NRG1: variants seen among roughly 807,000 people sequenced by gnomAD.
NRG1 encodes neuregulin 1.
A neutral mutation model predicts 63.8 loss-of-function variants in NRG1; 18 were observed. The ratio of observed to expected loss-of-function variants is 0.28; its 90% CI spans 0.19 to 0.42. The LOEUF is 0.42. NRG1 is among the 10% of genes least tolerant of loss of function. NRG1 has a pLI of 1.00. For synonymous variants in NRG1, 302 were observed against 301.3 expected, an observed-to-expected ratio of 1.00 and a Z score of -0.02; for missense variants, 762 against 814.7, an observed-to-expected ratio of 0.94 and a Z score of 0.79.
chr8:31,665,666 A>G lies in NRG1; in HGVS notation c.37+26235A>G, dbSNP rs139449596. On this transcript the variant is annotated intron_variant, in intron 1 of 10. Coordinates refer to the NRG1 transcript ENST00000519301. ...TCAGTGATTTACGTAGTCAACCTTT[A>G]TGAAAGTTTTCTTTGATTAGTCAAT... is the stretch of plus-strand genomic sequence containing the variant. Among the ~76,000 whole-genome samples, 481 of 152,318 alleles carry G rather than the reference A, an allele frequency of 3.2e-3. 2 individuals are homozygous for G. Among genetic ancestry groups the G allele is most frequent in the South Asian group, 0.021 (102 of 4,828 alleles).
At chr8:32,646,508 C>T (rs1647932885) in intron 5 of NRG1, among the ~76,000 whole-genome samples, 1 of 152,274 alleles carries the variant, frequency 6.6e-6, no homozygotes, top group Non-Finnish European at 1.5e-5. Context: ...TAGCAGACTT[C>T]AAGCCTCAGG....
intron 1 of NRG1, among the ~76,000 whole-genome samples, chr8:32,445,739 AG>A (rs1234830018): frequency 3.5e-4 from 53 of 152,246 alleles, no homozygotes; most frequent in African/African-American, 1.1e-3. Context: ...ATTAAGATTA[AG>A]TAAGGAAGGC....
At chr8:31,854,379 G>C in intron 1 of NRG1, among the ~76,000 whole-genome samples, 1 of 152,180 alleles carries the variant, frequency 6.6e-6, no homozygotes, top group Non-Finnish European at 1.5e-5. Flanking sequence ...ATTTCTTCTA[G>C]ATTTCTAGTT....
intron 1 of NRG1, among the ~76,000 whole-genome samples, chr8:32,055,419 A>G (rs923765135): frequency 1.3e-5 from 2 of 152,068 alleles, no homozygotes; most frequent in Admixed American, 6.6e-5. Context: ...AATATAATAG[A>G]TTTATTATAT....
intron 1 of NRG1, among the ~76,000 whole-genome samples, chr8:31,851,715 G>A (rs868450610): frequency 3.9e-4 from 59 of 149,748 alleles, no homozygotes; most frequent in Non-Finnish European, 7.7e-4. Flanking sequence ...CCACTAACTC[G>A]TCATCTAGCA....
At chr8:31,819,195 T>C (rs1823765455) in intron 1 of NRG1, among the ~76,000 whole-genome samples, 1 of 126,602 alleles carries the variant, frequency 7.9e-6, no homozygotes, top group African/African-American at 2.6e-5. Context: ...GCTATGATTG[T>C]GCTACTTACA....
chr8:32,206,225 G>A (rs76138006), intron 1 of NRG1, among the ~76,000 whole-genome samples: 6,378 of 152,174 alleles, frequency 0.042, 202 homozygotes, highest in Middle Eastern at 0.092. Context: ...GCTCATGATC[G>A]TCCATCTAAC....
chr8:31,834,394 G>A (rs1383362475), intron 1 of NRG1, among the ~76,000 whole-genome samples: 2 of 152,134 alleles, frequency 1.3e-5, no homozygotes, highest in Non-Finnish European at 2.9e-5. Flanking sequence ...CCTCTGGTCT[G>A]AAGCAATTAA....
chr8:32,464,111 G>C (rs1046734373), intron 1 of NRG1, among the ~76,000 whole-genome samples: 2 of 151,432 alleles, frequency 1.3e-5, no homozygotes, highest in Non-Finnish European at 2.9e-5. Context: ...GGCCAGGATG[G>C]TCTCGATCTC....
chr8:31,712,618 G>C (rs1811893775), intron 1 of NRG1, among the ~76,000 whole-genome samples: 1 of 152,062 alleles, frequency 6.6e-6, no homozygotes, highest in Non-Finnish European at 1.5e-5. Context: ...CAAAACTAAT[G>C]ACAAAAATTT....
chr8:31,738,879 G>T (rs1374247509), intron 1 of NRG1, among the ~76,000 whole-genome samples: 2 of 151,898 alleles, frequency 1.3e-5, no homozygotes, highest in Non-Finnish European at 2.9e-5. Context: ...TTGGATTAAG[G>T]GTCTAACCTA....
At chr8:32,509,184 C>G (rs1357487483) in intron 1 of NRG1, among the ~76,000 whole-genome samples, 1 of 151,928 alleles carries the variant, frequency 6.6e-6, no homozygotes, top group Non-Finnish European at 1.5e-5. Context: ...CTCACTGCAG[C>G]CTCAAGCTCC....
intron 1 of NRG1, among the ~76,000 whole-genome samples, chr8:32,047,738 A>G (rs932979932): frequency 6.6e-5 from 10 of 151,936 alleles, no homozygotes; most frequent in South Asian, 2.1e-4. Flanking sequence ...TCAAATTAAC[A>G]TATGTATTAC....
intron 1 of NRG1, among the ~76,000 whole-genome samples, chr8:31,938,719 A>G (rs1163709716): frequency 2.0e-5 from 3 of 152,204 alleles, no homozygotes; most frequent in Non-Finnish European, 2.9e-5. Flanking sequence ...ATAAAAAACA[A>G]TTGCAACTTC....
intron 1 of NRG1, among the ~76,000 whole-genome samples, chr8:32,036,185 T>C (rs1309322272): frequency 1.3e-5 from 2 of 152,206 alleles, no homozygotes; most frequent in African/African-American, 4.8e-5. Context: ...CTCCTTTACT[T>C]ATGAAGCTTA....
At chr8:31,639,902 C>A in intron 1 of NRG1, 1 of 1,088,110 alleles carries the variant, frequency 9.2e-7, no homozygotes, top group Non-Finnish European at 1.1e-6. Flanking sequence ...AGTGGTGCTG[C>A]GAGGGGAAGG....
chr8:32,619,672 A>G lies in NRG1; in HGVS notation c.502+2787A>G, dbSNP rs190630800. On this transcript the variant is annotated intron_variant, in intron 5 of 11. Coordinates refer to ENST00000356819, the Ensembl canonical transcript of NRG1. ...GAGGTGTTAGAGAAAGAGAAAAGCCATAGGTAAAACCAAGGCTGCTTTTGT... is the reference window on the plus strand; with the variant it reads ...GAGGTGTTAGAGAAAGAGAAAAGCCGTAGGTAAAACCAAGGCTGCTTTTGT... Among the ~76,000 whole-genome samples, 773 of 152,358 alleles carry G rather than the reference A, an allele frequency of 5.1e-3. 6 individuals are homozygous for G. The highest frequency in any genetic ancestry group is 0.018 in the African/African-American group (744 of 41,578).
At chr8:32,649,860 A>G (rs1854612634) in intron 5 of NRG1, among the ~76,000 whole-genome samples, 1 of 152,228 alleles carries the variant, frequency 6.6e-6, no homozygotes, top group Admixed American at 6.5e-5. Context: ...TGGCAAAGTG[A>G]CTGGGAAATA....
chr8:31,755,695 T>C (rs558336596), intron 1 of NRG1, among the ~76,000 whole-genome samples: 2 of 152,216 alleles, frequency 1.3e-5, no homozygotes, highest in South Asian at 2.1e-4. Context: ...AAATACTATA[T>C]CTGGGGCATG....
Sources: allele counts gnomAD v4.1 joint callset (sites outside exome capture counted in the v4.1 genomes callset), GRCh38; gene constraint gnomAD v4.1.1; transcripts MANE v1.5; gene names NCBI Gene and HGNC (gene_info 2026-07-23, HGNC 2026-07-21).